The following THSD7A variants were observed in gnomAD, a reference collection of about 807,000 sequenced individuals.
THSD7A encodes the protein thrombospondin type 1 domain containing 7A.
THSD7A carries 96 observed loss-of-function variants against 231.3 expected under a neutral mutation model. That is an observed-to-expected ratio of 0.41 (90% confidence interval 0.35 to 0.49). The LOEUF (loss-of-function observed/expected upper bound fraction) is 0.49, where lower values mean the gene tolerates loss of function less well. Ranked by LOEUF, THSD7A falls within the 20% of genes least tolerant of loss-of-function variation. The pLI, the probability that THSD7A is intolerant of heterozygous loss-of-function variation, is 0.05. For synonymous variants in THSD7A, 940 were observed against 743.3 expected (o/e 1.26, Z -4.30); for missense variants, 2,290 against 2,070.2 (o/e 1.11, Z -2.06).
chr7:11,630,513 C>T (rs1046088841), intron 2 of THSD7A, among the ~76,000 whole-genome samples: 1 of 152,066 alleles, frequency 6.6e-6, no homozygotes, highest in Non-Finnish European at 1.5e-5. Context: ...ATGTTTATCC[C>T]ATGTATTTGT....
intron 6 of THSD7A, among the ~76,000 whole-genome samples, chr7:11,483,806 G>A (rs999734190): frequency 6.6e-6 from 1 of 152,048 alleles, no homozygotes; most frequent in Non-Finnish European, 1.5e-5. Context: ...GCTAACAAAC[G>A]TCATATTTTT....
chr7:11,484,449 G>A lies in THSD7A; in HGVS notation c.1823-2467C>T, dbSNP rs867471966. On this transcript the variant is annotated intron_variant, in intron 6 of 27. Coordinates refer to ENST00000423059, the MANE Select transcript of THSD7A (RefSeq NM_015204.3). ...CAGTTCAATTTTCTCCTTCCTAGAGGAGATTTCATTGACCATACACACTCT... is the reference window on the plus strand; with the variant it reads ...CAGTTCAATTTTCTCCTTCCTAGAGAAGATTTCATTGACCATACACACTCT... 2.6e-5 allele frequency among the ~76,000 whole-genome samples: 4 copies of A among 152,096 alleles called. No individual in the cohort carries two copies. In the Middle Eastern group the frequency reaches 0.01, roughly 388 times the overall value.
rs1469412402 is a variant in THSD7A at position 11,541,545 on chromosome 7, T to C, written c.1696A>G (p.Ile566Val). Residue 566 changes from isoleucine (I) to valine (V), a missense_variant, in exon 6 of 28, where the codon ATT (isoleucine) becomes GTT (valine). Ile to Val is a conservative substitution (Grantham distance 29). Transcript: ENST00000423059. Reference sequence around the variant, plus strand: ...TAACAGGCAGGCTCTTCACAGGGAATGGCTTCCAGTAAGTGAGGGCAGTTT... The same window carrying C: ...TAACAGGCAGGCTCTTCACAGGGAACGGCTTCCAGTAAGTGAGGGCAGTTT... The part of the protein sequence containing the change: ...TGNCPHLLEA[I>V]PCEEPACYDW... 2.5e-6 allele frequency: 4 copies of C among 1,613,974 alleles called. No individual in the cohort carries two copies. The highest frequency in any genetic ancestry group is 1.7e-5 in the Admixed American group (1 of 59,990).
chr7:11,384,092 A>G (rs563697267), intron 23 of THSD7A: 11 of 151,940 alleles, frequency 7.2e-5, no homozygotes, highest in Non-Finnish European at 1.3e-4. Flanking sequence ...ATTTTGCAGG[A>G]AATTTGTTAT....
chr7:11,822,690 T>A (rs1784910017), intron 1 of THSD7A, among the ~76,000 whole-genome samples: 1 of 152,118 alleles, frequency 6.6e-6, no homozygotes, highest in African/African-American at 2.4e-5. Context: ...ATTGAGCACT[T>A]TTCCATATAC....
chr7:11,670,638 A>G (rs1215560159), intron 1 of THSD7A, among the ~76,000 whole-genome samples: 6 of 152,198 alleles, frequency 3.9e-5, no homozygotes, highest in Non-Finnish European at 8.8e-5. Context: ...TAATGAGCAC[A>G]TTTCCAGAAT....
chr7:11,514,817 A>G (rs1787960960), intron 6 of THSD7A, among the ~76,000 whole-genome samples: 1 of 152,058 alleles, frequency 6.6e-6, no homozygotes, highest in Admixed American at 6.6e-5. Context: ...CAAGATTATT[A>G]CTCTATTCTT....
At chr7:11,679,424 T>C (rs779584222) in intron 1 of THSD7A, among the ~76,000 whole-genome samples, 2 of 152,186 alleles carry the variant, frequency 1.3e-5, no homozygotes, top group African/African-American at 2.4e-5. Context: ...TGTTTTCAGA[T>C]GACTTGATTG....
chr7:11,396,346 C>A (rs999824961), intron 23 of THSD7A, among the ~76,000 whole-genome samples: 2 of 151,986 alleles, frequency 1.3e-5, no homozygotes, highest in Non-Finnish European at 1.5e-5. Flanking sequence ...AATCAAGGAG[C>A]TGTTTTTTTG....
intron 4 of THSD7A, 77 bp from the exon 5 acceptor site, chr7:11,543,194 G>T: frequency 7.5e-7 from 1 of 1,339,398 alleles, no homozygotes. Flanking sequence ...TTTTCTGTGT[G>T]TATGGAAAAG....
intron 1 of THSD7A, among the ~76,000 whole-genome samples, chr7:11,670,388 A>G (rs949025907): frequency 6.6e-6 from 1 of 152,232 alleles, no homozygotes. Context: ...AGAATGATCC[A>G]GGCATTTGGC....
At chr7:11,562,064 T>G (rs1790100408) in intron 4 of THSD7A, among the ~76,000 whole-genome samples, 1 of 152,156 alleles carries the variant, frequency 6.6e-6, no homozygotes, top group Non-Finnish European at 1.5e-5. Flanking sequence ...ATATAAGTTT[T>G]CAAAACAGAC....
intron 1 of THSD7A, among the ~76,000 whole-genome samples, chr7:11,683,177 T>C (rs1783934622): frequency 6.8e-6 from 1 of 147,404 alleles, no homozygotes; most frequent in Admixed American, 6.8e-5. Flanking sequence ...GACAGTGGAA[T>C]AAGAATAGAA....
intron 1 of THSD7A, among the ~76,000 whole-genome samples, chr7:11,664,474 C>T (rs917326622): frequency 3.9e-5 from 6 of 151,910 alleles, no homozygotes; most frequent in African/African-American, 1.4e-4. Flanking sequence ...AAATACATCA[C>T]ATGCTTAGTA....
chr7:11,798,982 G>C (rs540418541), intron 1 of THSD7A, among the ~76,000 whole-genome samples: 1 of 151,812 alleles, frequency 6.6e-6, no homozygotes, highest in East Asian at 1.9e-4. Flanking sequence ...GAGTTCAGTG[G>C]CCCAATCTTG....
intron 1 of THSD7A, among the ~76,000 whole-genome samples, chr7:11,651,489 A>G (rs1414266311): frequency 5.1e-5 from 2 of 39,164 alleles, no homozygotes; most frequent in African/African-American, 1.0e-4. Context: ...TCTATCAACT[A>G]TCTATCTATC....
intron 1 of THSD7A, among the ~76,000 whole-genome samples, chr7:11,709,373 G>C (rs1780876867): frequency 1.3e-5 from 2 of 150,684 alleles, no homozygotes; most frequent in African/African-American, 4.9e-5. Context: ...AAATCTACTG[G>C]CATGATTTAC....
At chr7:11,494,701 G>A (rs960571146) in intron 6 of THSD7A, among the ~76,000 whole-genome samples, 1 of 151,926 alleles carries the variant, frequency 6.6e-6, no homozygotes, top group Non-Finnish European at 1.5e-5. Context: ...CAGCTATTTA[G>A]TGACAAAGGC....
At chr7:11,485,712 C>T (rs13240495) in intron 6 of THSD7A, among the ~76,000 whole-genome samples, 61,399 of 151,842 alleles carry the variant, frequency 0.4, 12,848 homozygotes, top group Admixed American at 0.49. Flanking sequence ...CTGAGGATGC[C>T]AAGGCAGTAA....
Sources: allele counts gnomAD v4.1 joint callset (sites outside exome capture counted in the v4.1 genomes callset), GRCh38; gene constraint gnomAD v4.1.1; transcripts MANE v1.5; gene names NCBI Gene and HGNC (gene_info 2026-07-23, HGNC 2026-07-21).